PRR16: variants seen among roughly 807,000 people sequenced by gnomAD.
PRR16 encodes protein Largen.
In PRR16, 6 loss-of-function variants were observed where a neutral mutation model predicts 18.2. The observed-to-expected ratio is 0.33, with a 90% CI of 0.18 to 0.65. The LOEUF is 0.65. Among genes scored for constraint, PRR16 ranks in the 30% least tolerant of loss-of-function variants. The pLI is 0.74. For missense variants in PRR16, 412 were observed against 376.6 expected, an observed-to-expected ratio of 1.09 and a Z score of -0.78; for synonymous variants, 151 against 147.8, an observed-to-expected ratio of 1.02 and a Z score of -0.16.
At chr5:120,730,837 C>A in the PRR16 span, among the ~76,000 whole-genome samples, 164 of 152,254 alleles carry the variant, frequency 1.1e-3, 1 homozygote, top group Admixed American at 9.2e-4. Flanking sequence ...GATGATCTTT[C>A]TAGCACTACC....
At chr5:120,488,429 T>C (rs1312578523) in intron 1 of PRR16, among the ~76,000 whole-genome samples, 1 of 152,234 alleles carries the variant, frequency 6.6e-6, no homozygotes, top group Non-Finnish European at 1.5e-5. Context: ...TTCTAGTTTA[T>C]TTGTGTAGAG....
the PRR16 span, chr5:120,781,233 G>T: frequency 0.11 from 16,974 of 151,740 alleles, 1,364 homozygotes; most frequent in African/African-American, 0.23. Flanking sequence ...TGGCTGAAGC[G>T]TCTGAAACAA....
At chr5:120,507,739 A>C in intron 1 of PRR16, among the ~76,000 whole-genome samples, 1 of 151,880 alleles carries the variant, frequency 6.6e-6, no homozygotes, top group East Asian at 1.9e-4. Context: ...CTAGTTAACC[A>C]TTTTTTTTAA....
chr5:120,641,305 A>G (rs535760262), intron 1 of PRR16, among the ~76,000 whole-genome samples: 1 of 152,286 alleles, frequency 6.6e-6, no homozygotes, highest in Non-Finnish European at 1.5e-5. Flanking sequence ...TGCTGGTGCT[A>G]ACAGATTAAC....
the PRR16 span, among the ~76,000 whole-genome samples, chr5:120,740,482 A>G: frequency 6.6e-6 from 1 of 152,166 alleles, no homozygotes; most frequent in Admixed American, 6.5e-5. Context: ...TGAAAATACC[A>G]CACTTTAGTA....
chr5:120,617,692 A>G (rs1754560482), intron 1 of PRR16, among the ~76,000 whole-genome samples: 3 of 152,160 alleles, frequency 2.0e-5, no homozygotes, highest in South Asian at 2.1e-4. Context: ...CAAAAATTTT[A>G]TAAAAGATAT....
chr5:120,698,266 A>G, the PRR16 span, among the ~76,000 whole-genome samples: 1 of 152,032 alleles, frequency 6.6e-6, no homozygotes, highest in African/African-American at 2.4e-5. Flanking sequence ...AAACTTTGTC[A>G]TGTAGAATGA....
intron 1 of PRR16, chr5:120,531,339 G>C (rs1269624031): frequency 6.6e-6 from 1 of 152,100 alleles, no homozygotes; most frequent in African/African-American, 2.4e-5. Context: ...GTTGTTTAGG[G>C]GGAGTAGCTC....
At chr5:120,598,419 T>C (rs1753882510) in intron 1 of PRR16, among the ~76,000 whole-genome samples, 1 of 151,398 alleles carries the variant, frequency 6.6e-6, no homozygotes, top group Admixed American at 6.6e-5. Context: ...GAATGTGTAC[T>C]TTTTTTTTCT....
chr5:120,786,678 A>G, the PRR16 span, among the ~76,000 whole-genome samples: 3 of 151,546 alleles, frequency 2.0e-5, no homozygotes, highest in Non-Finnish European at 4.4e-5. Flanking sequence ...TAAATATATA[A>G]TTATGAGACA....
the PRR16 span, among the ~76,000 whole-genome samples, chr5:120,778,135 G>A: frequency 6.6e-6 from 1 of 151,992 alleles, no homozygotes; most frequent in African/African-American, 2.4e-5. Flanking sequence ...TGGCAATAAA[G>A]ACTGCTGATC....
At chr5:120,501,881 G>A (rs1158720817) in intron 1 of PRR16, among the ~76,000 whole-genome samples, 1 of 148,792 alleles carries the variant, frequency 6.7e-6, no homozygotes, top group Non-Finnish European at 1.5e-5. Flanking sequence ...GTGTGAACCT[G>A]GCAGGAGGAG....
chr5:120,604,026 CTGT>C (rs1405438607), intron 1 of PRR16, among the ~76,000 whole-genome samples: 2 of 151,792 alleles, frequency 1.3e-5, no homozygotes, highest in African/African-American at 4.8e-5. Context: ...AATGTATAAT[CTGT>C]TGTTGTTGGG....
chr5:120,637,589 C>T (rs1755280122), intron 1 of PRR16, among the ~76,000 whole-genome samples: 1 of 151,988 alleles, frequency 6.6e-6, no homozygotes, highest in South Asian at 2.1e-4. Flanking sequence ...CTTATGGGAG[C>T]TAAGTTATGA....
At chr5:120,759,780 G>A in the PRR16 span, among the ~76,000 whole-genome samples, 1 of 152,136 alleles carries the variant, frequency 6.6e-6, no homozygotes, top group Non-Finnish European at 1.5e-5. Context: ...TGTGTAAAAG[G>A]TGCTGACCTA....
intron 1 of PRR16, among the ~76,000 whole-genome samples, chr5:120,580,263 C>T (rs913115785): frequency 6.6e-6 from 1 of 152,010 alleles, no homozygotes; most frequent in Non-Finnish European, 1.5e-5. Flanking sequence ...ACTTCCAATA[C>T]TATGTTGAAT....
At chr5:120,525,760 T>A (rs1009994445) in intron 1 of PRR16, among the ~76,000 whole-genome samples, 1 of 152,028 alleles carries the variant, frequency 6.6e-6, no homozygotes, top group African/African-American at 2.4e-5. Flanking sequence ...TGCTTAAAAG[T>A]CATTAGTAGA....
chr5:120,696,332 G>C, the PRR16 span, among the ~76,000 whole-genome samples: 2 of 152,082 alleles, frequency 1.3e-5, no homozygotes, highest in Non-Finnish European at 2.9e-5. Flanking sequence ...AAAAAAATTA[G>C]TAATTAAATA....
At chr5:120,701,182 T>G in the PRR16 span, among the ~76,000 whole-genome samples, 1 of 151,964 alleles carries the variant, frequency 6.6e-6, no homozygotes, top group Non-Finnish European at 1.5e-5. Context: ...TGCAACTTTT[T>G]TCTATTATTG....
Sources: allele counts gnomAD v4.1 joint callset (sites outside exome capture counted in the v4.1 genomes callset), GRCh38; gene constraint gnomAD v4.1.1; transcripts MANE v1.5; gene names NCBI Gene and HGNC (gene_info 2026-07-23, HGNC 2026-07-21).